RASGRP1: variants seen among roughly 807,000 people sequenced by gnomAD.
The protein encoded by RASGRP1 is RAS guanyl releasing protein 1, also known as RAS guanyl-releasing protein 1.
A neutral mutation model predicts 95.1 loss-of-function variants in RASGRP1; 37 were observed. The ratio of observed to expected loss-of-function variants is 0.39; its 90% confidence interval spans 0.30 to 0.51. RASGRP1 has a LOEUF of 0.51. RASGRP1 is among the 20% of genes least tolerant of loss of function. RASGRP1 has a pLI of 0.80. For synonymous variants in RASGRP1, 325 were observed against 353.4 expected, an observed-to-expected ratio of 0.92 and a Z score of 0.90; for missense variants, 711 against 965.4, an observed-to-expected ratio of 0.74 and a Z score of 3.49.
intron 2 of RASGRP1, among the ~76,000 whole-genome samples, chr15:38,537,881 A>G (rs1287892190): frequency 1.3e-5 from 2 of 152,206 alleles, no homozygotes; most frequent in East Asian, 3.9e-4. Flanking sequence ...GCCACTCTGA[A>G]GTGAGAACTG....
At chr15:38,540,614 G>C (rs1043893878) in intron 2 of RASGRP1, among the ~76,000 whole-genome samples, 3 of 152,174 alleles carry the variant, frequency 2.0e-5, no homozygotes, top group Non-Finnish European at 4.4e-5. Context: ...CTAAGATTTA[G>C]ACTGTCCCTT....
intron 2 of RASGRP1, among the ~76,000 whole-genome samples, chr15:38,547,019 C>T (rs1347866453): frequency 6.6e-6 from 1 of 152,144 alleles, no homozygotes; most frequent in Non-Finnish European, 1.5e-5. Flanking sequence ...GTGTGTCTAA[C>T]CAAAAACACA....
chr15:38,511,542 A>G, intron 8 of RASGRP1, 62 bp downstream of exon 8: 1 of 1,332,602 alleles, frequency 7.5e-7, no homozygotes, highest in South Asian at 1.2e-5. Context: ...CACCAAGGAG[A>G]AAATGTTGGC....
At chr15:38,506,237 C>T (rs901918315) in intron 9 of RASGRP1, among the ~76,000 whole-genome samples, 1 of 152,210 alleles carries the variant, frequency 6.6e-6, no homozygotes, top group Non-Finnish European at 1.5e-5. Context: ...TCTCTCAAAG[C>T]AGACAGATGA....
intron 2 of RASGRP1, among the ~76,000 whole-genome samples, chr15:38,549,489 A>C (rs1893242165): frequency 6.6e-6 from 1 of 152,236 alleles, no homozygotes; most frequent in Admixed American, 6.5e-5. Flanking sequence ...ATTCAGATAG[A>C]TCAGTGAAGA....
chr15:38,558,252 C>T (rs1263104513), intron 2 of RASGRP1, among the ~76,000 whole-genome samples: 1 of 152,070 alleles, frequency 6.6e-6, no homozygotes, highest in African/African-American at 2.4e-5. Flanking sequence ...ACGTCAGCCG[C>T]GCCTCCCCGG....
At chr15:38,529,786 A>T (rs1892369425) in intron 2 of RASGRP1, among the ~76,000 whole-genome samples, 1 of 152,248 alleles carries the variant, frequency 6.6e-6, no homozygotes, top group Non-Finnish European at 1.5e-5. Context: ...AACTTTTCAC[A>T]GATATTTAGA....
chr15:38,501,435 C>A, intron 12 of RASGRP1, 148 bp from the exon 13 acceptor site: 1 of 910,898 alleles, frequency 1.1e-6, no homozygotes. Context: ...TTCCATGGGC[C>A]CTACTCTTAA....
chr15:38,501,387 C>T, intron 12 of RASGRP1, 100 bp from the exon 13 acceptor site: 1 of 1,377,642 alleles, frequency 7.3e-7, no homozygotes, highest in South Asian at 1.2e-5. Flanking sequence ...TTCTTTTTAT[C>T]CTCAGTGGTA....
At chr15:38,524,966 C>CTT (rs1209374484) in intron 3 of RASGRP1, among the ~76,000 whole-genome samples, 77 of 120,354 alleles carry the variant, frequency 6.4e-4, no homozygotes, top group African/African-American at 2.2e-3. Context: ...GTACAATTTT[C>CTT]TTTCTTTTTT....
At chr15:38,533,002 C>G (rs559696086) in intron 2 of RASGRP1, among the ~76,000 whole-genome samples, 1 of 152,070 alleles carries the variant, frequency 6.6e-6, no homozygotes, top group Non-Finnish European at 1.5e-5. Context: ...GATGGAAATG[C>G]CTTGCTGCAA....
At chr15:38,518,921 T>C (rs759568602) in intron 4 of RASGRP1, among the ~76,000 whole-genome samples, 2 of 152,116 alleles carry the variant, frequency 1.3e-5, no homozygotes, top group Non-Finnish European at 2.9e-5. Flanking sequence ...AAAATTGACA[T>C]GAAAACAAGA....
At chr15:38,550,530 G>A (rs2141183789) in intron 2 of RASGRP1, among the ~76,000 whole-genome samples, 1 of 152,200 alleles carries the variant, frequency 6.6e-6, no homozygotes, top group Admixed American at 6.5e-5. Context: ...CATCATTTCA[G>A]TTGCCAAGCA....
chr15:38,552,603 G>C (rs1322993317), intron 2 of RASGRP1, among the ~76,000 whole-genome samples: 1 of 152,222 alleles, frequency 6.6e-6, no homozygotes, highest in Non-Finnish European at 1.5e-5. Flanking sequence ...GTACCAGGTA[G>C]ACATAACAGA....
intron 2 of RASGRP1, among the ~76,000 whole-genome samples, chr15:38,543,975 G>A (rs1411106743): frequency 6.6e-6 from 1 of 151,604 alleles, no homozygotes; most frequent in East Asian, 1.9e-4. Flanking sequence ...TTACATGCTG[G>A]GCATTGTAAG....
Position 38,507,966 on chromosome 15 carries a change from G to A in RASGRP1, c.1002C>T (p.Ser334=), listed in dbSNP as rs781469092. Reference sequence around the variant, plus strand: ...CTCGCCGGTAATTGTCGTAGTTTCTGGAGGAGGACAGCAGCTCAGTCATCT... The same window carrying A: ...CTCGCCGGTAATTGTCGTAGTTTCTAGAGGAGGACAGCAGCTCAGTCATCT... ...LGEMTELLSS[S]RNYDNYRRAY... Residue 334 remains serine (S), a synonymous_variant, in exon 9 of 17, where the codon TCC becomes TCT. Transcript: ENST00000310803. The A allele has an allele frequency of 1.7e-5, 27 of 1,609,178 alleles. No homozygotes were observed. In the East Asian group the frequency reaches 2.7e-4, roughly 16 times the overall value.
chr15:38,555,981 T>C (rs1221210261), intron 2 of RASGRP1, among the ~76,000 whole-genome samples: 1 of 152,178 alleles, frequency 6.6e-6, no homozygotes, highest in Non-Finnish European at 1.5e-5. Flanking sequence ...ATTCAGACAT[T>C]TGAAGCCTTC....
intron 15 of RASGRP1, among the ~76,000 whole-genome samples, chr15:38,498,487 G>C (rs1428860374): frequency 2.6e-5 from 4 of 152,168 alleles, no homozygotes; most frequent in Non-Finnish European, 5.9e-5. Flanking sequence ...GCTGGGGATA[G>C]GGTGGGATAG....
chr15:38,545,071 T>A (rs1266940205), intron 2 of RASGRP1, among the ~76,000 whole-genome samples: 5 of 152,226 alleles, frequency 3.3e-5, no homozygotes, highest in Non-Finnish European at 7.3e-5. Context: ...CCTTTATATG[T>A]CCCACTGGAG....
Sources: gnomAD v4.1 joint callset for allele counts (sites outside exome capture counted in the v4.1 genomes callset) on GRCh38, gnomAD v4.1.1 for gene constraint, MANE v1.5 for transcripts, NCBI Gene and HGNC (gene_info 2026-07-23, HGNC 2026-07-21) for gene names.